FRMD5: variants seen among roughly 807,000 people sequenced by gnomAD.
FRMD5 encodes the protein FERM domain-containing protein 5.
A neutral mutation model predicts 69.0 loss-of-function variants in FRMD5; 20 were observed. The ratio of observed to expected loss-of-function variants is 0.29; its 90% CI spans 0.20 to 0.42. The LOEUF is 0.42. Ranked by LOEUF, FRMD5 falls within the 10% of genes least tolerant of loss-of-function variation. The probability of loss-of-function intolerance (pLI) is 1.00; values close to 1 mark genes in which losing one functional copy is unlikely to be tolerated. For synonymous variants in FRMD5, 271 were observed against 260.1 expected, an observed-to-expected ratio of 1.04 and a Z score of -0.40; for missense variants, 595 against 708.6, an observed-to-expected ratio of 0.84 and a Z score of 1.82.
chr15:43,904,736 G>A (rs1044619457), intron 6 of FRMD5, among the ~76,000 whole-genome samples: 2 of 152,226 alleles, frequency 1.3e-5, no homozygotes, highest in East Asian at 1.9e-4. Context: ...AATCTGTGCC[G>A]TAACCAAATG....
intron 13 of FRMD5, among the ~76,000 whole-genome samples, chr15:43,882,725 A>C (rs1326607463): frequency 2.6e-5 from 4 of 152,162 alleles, no homozygotes; most frequent in Non-Finnish European, 5.9e-5. Flanking sequence ...GGAACCAAGA[A>C]GTGAAAATTC....
At chr15:44,167,255 C>A (rs182234374) in intron 1 of FRMD5, among the ~76,000 whole-genome samples, 140 of 152,132 alleles carry the variant, frequency 9.2e-4, no homozygotes, top group African/African-American at 3.3e-3. Context: ...GTAGTCCCAG[C>A]TACTTAGGAG....
At chr15:44,005,636 G>A (rs1333622043) in intron 1 of FRMD5, among the ~76,000 whole-genome samples, 1 of 152,102 alleles carries the variant, frequency 6.6e-6, no homozygotes, top group Non-Finnish European at 1.5e-5. Flanking sequence ...AAGGCAAAGG[G>A]GAAGCAAGGC....
intron 1 of FRMD5, among the ~76,000 whole-genome samples, chr15:43,948,772 T>G (rs1002479913): frequency 6.6e-6 from 1 of 152,180 alleles, no homozygotes; most frequent in African/African-American, 2.4e-5. Context: ...GTCCCCTAAC[T>G]AACATCTGTC....
At chr15:43,914,122 TTGTGTA>T in intron 4 of FRMD5, among the ~76,000 whole-genome samples, 1 of 152,212 alleles carries the variant, frequency 6.6e-6, no homozygotes, top group South Asian at 2.1e-4. Flanking sequence ...ACCTGAGCTT[TTGTGTA>T]ACACGAACAT....
intron 1 of FRMD5, among the ~76,000 whole-genome samples, chr15:44,043,498 G>C (rs963698879): frequency 6.6e-6 from 1 of 152,152 alleles, no homozygotes; most frequent in African/African-American, 2.4e-5. Context: ...CAAAGCTGGA[G>C]GCATCACGCT....
intron 1 of FRMD5, among the ~76,000 whole-genome samples, chr15:44,116,911 G>A (rs1253169920): frequency 1.3e-5 from 2 of 149,674 alleles, no homozygotes; most frequent in Admixed American, 1.3e-4. Flanking sequence ...GTAAAACCCT[G>A]TCTCTACTAA....
At chr15:43,888,082 C>G (rs1320062257) in intron 10 of FRMD5, 93 bp downstream of exon 10, 1 of 946,948 alleles carries the variant, frequency 1.1e-6, no homozygotes, top group Non-Finnish European at 1.7e-6. Context: ...CCAGCTACCC[C>G]GCCCCAAGTT....
intron 1 of FRMD5, among the ~76,000 whole-genome samples, chr15:43,925,229 T>A (rs2089563400): frequency 6.6e-6 from 1 of 152,142 alleles, no homozygotes; most frequent in African/African-American, 2.4e-5. Flanking sequence ...GGTCTCTAAC[T>A]TCTGACCTTA....
chr15:44,135,420 C>A (rs1002095726), intron 1 of FRMD5, among the ~76,000 whole-genome samples: 4 of 152,138 alleles, frequency 2.6e-5, no homozygotes, highest in African/African-American at 9.7e-5. Flanking sequence ...CCTATGCATA[C>A]CTGATTTTTC....
rs1436206223 is a variant in FRMD5, at chr15:43,963,434, T to A, written c.103-39125A>T. Among the ~76,000 whole-genome samples the A allele has an allele frequency of 1.2e-4, 19 of 152,212 alleles. No individual in the cohort carries two copies. In the East Asian group the frequency reaches 3.7e-3, roughly 29 times the overall value. Reference sequence around the variant, plus strand: ...AGGTGCTGGAGAGGATGTGGAGAAATAGGAACACTTTTACACTGTTGGTGG... The same window carrying A: ...AGGTGCTGGAGAGGATGTGGAGAAAAAGGAACACTTTTACACTGTTGGTGG... On this transcript the variant is annotated intron_variant, in intron 1 of 13. Coordinates refer to ENST00000417257, the MANE Select transcript of FRMD5 (RefSeq NM_032892.5).
chr15:44,131,953 A>G (rs1302593660), intron 1 of FRMD5, among the ~76,000 whole-genome samples: 1 of 152,158 alleles, frequency 6.6e-6, no homozygotes, highest in Non-Finnish European at 1.5e-5. Context: ...TTATTATTAC[A>G]TTGTAATATA....
At chr15:44,190,407 A>G in intron 1 of FRMD5, among the ~76,000 whole-genome samples, 1 of 152,144 alleles carries the variant, frequency 6.6e-6, no homozygotes, top group East Asian at 1.9e-4. Flanking sequence ...CCAAAATCCT[A>G]ATTCTGGCAG....
At chr15:44,165,138 G>T (rs1044607697) in intron 1 of FRMD5, among the ~76,000 whole-genome samples, 2 of 152,196 alleles carry the variant, frequency 1.3e-5, no homozygotes, top group Non-Finnish European at 2.9e-5. Flanking sequence ...ACCAAAGTCG[G>T]CCAGGAGCGG....
chr15:43,879,762 G>A (rs1337043295), intron 13 of FRMD5: 4 of 398,218 alleles, frequency 1.0e-5, no homozygotes, highest in Middle Eastern at 1.3e-3. Flanking sequence ...GAGAGGCAAA[G>A]ATGGAAAGCC....
At chr15:44,019,106 A>T (rs968885407) in intron 1 of FRMD5, among the ~76,000 whole-genome samples, 11 of 152,010 alleles carry the variant, frequency 7.2e-5, no homozygotes, top group Admixed American at 2.6e-4. Context: ...TGTTAGCCAG[A>T]CTGGTCTTGA....
chr15:43,936,791 C>A (rs1395690431), intron 1 of FRMD5, among the ~76,000 whole-genome samples: 1 of 151,492 alleles, frequency 6.6e-6, no homozygotes, highest in African/African-American at 2.4e-5. Flanking sequence ...CTGACTGAGA[C>A]AAGGGGGTCC....
chr15:43,965,825 C>T (rs1377775861), intron 1 of FRMD5, among the ~76,000 whole-genome samples: 1 of 151,792 alleles, frequency 6.6e-6, no homozygotes, highest in Non-Finnish European at 1.5e-5. Context: ...GGTGATCCGC[C>T]CACCTTGGCC....
At chr15:44,057,304 C>G (rs183088847) in intron 1 of FRMD5, among the ~76,000 whole-genome samples, 2 of 151,954 alleles carry the variant, frequency 1.3e-5, no homozygotes, top group African/African-American at 4.8e-5. Context: ...CGGGGTTTCA[C>G]CAAGTTGGCC....
Sources: allele counts gnomAD v4.1 joint callset (sites outside exome capture counted in the v4.1 genomes callset), GRCh38; gene constraint gnomAD v4.1.1; transcripts MANE v1.5; gene names NCBI Gene and HGNC (gene_info 2026-07-23, HGNC 2026-07-21).